ENOX1: variants seen among roughly 807,000 people sequenced by gnomAD.
The protein encoded by ENOX1 is candidate growth-related and time keeping constitutive hydroquinone (NADH) oxidase.
Under a neutral mutation model 82.5 loss-of-function variants are expected in ENOX1, and 42 were observed. That is an observed-to-expected ratio of 0.51 (90% CI 0.40 to 0.66). ENOX1 has a LOEUF of 0.66. Ranked by LOEUF, ENOX1 falls within the 30% of genes least tolerant of loss-of-function variation. The pLI is 0.00. For synonymous variants in ENOX1, 271 were observed against 282.2 expected, an observed-to-expected ratio of 0.96 and a Z score of 0.40; for missense variants, 608 against 811.6, an observed-to-expected ratio of 0.75 and a Z score of 3.05.
In ENOX1 at chr13:43,726,753, T is replaced by TGTGTGTGA. The variant is rs60690794; in HGVS notation, c.-284-59210_-284-59209insTCACACAC. 2.1e-4 allele frequency among the ~76,000 whole-genome samples: 29 copies of TGTGTGTGA among 141,144 alleles called. No individual in the cohort carries two copies. The South Asian group carries it at 2.2e-3, about 11-fold the overall frequency. The allele number at this position is 141,144 out of a possible 152,430, so 92.6% of individuals were successfully genotyped here. ...GTGTGTGTGTGTGTGTGTGTGTGTGTGAGAGAGAGACAGGGTCTCACTGTG... is the reference window on the plus strand; with the variant it reads ...GTGTGTGTGTGTGTGTGTGTGTGTGTGTGTGTGAGAGAGAGAGACAGGGTCTCACTGTG... On this transcript the variant is annotated intron_variant, in intron 1 of 16. Transcript: ENST00000690772.
At chr13:43,321,232 C>T in intron 11 of ENOX1, 1 of 439,562 alleles carries the variant, frequency 2.3e-6, no homozygotes, top group Non-Finnish European at 4.6e-6. Flanking sequence ...TTCCCCACAC[C>T]CTGTAGCCAC....
intron 2 of ENOX1, among the ~76,000 whole-genome samples, chr13:43,532,269 T>A (rs891920972): frequency 1.3e-5 from 2 of 152,120 alleles, no homozygotes; most frequent in Non-Finnish European, 2.9e-5. Flanking sequence ...AATCTGTAAC[T>A]CTTAAACTAT....
chr13:43,577,020 C>T lies in ENOX1; in HGVS notation c.-219+90459G>A, dbSNP rs1386242210. ...ACTATGAACCACACATTGTGTAAGG[C>T]ACTGAAGATACAAGTATAATAAGAA... On this transcript the variant is annotated intron_variant, in intron 2 of 16. Coordinates refer to ENST00000690772, the MANE Select transcript of ENOX1 (RefSeq NM_001347969.2). Among the ~76,000 whole-genome samples, 3 of 152,134 alleles carry T rather than the reference C, an allele frequency of 2.0e-5. No homozygotes were observed. The East Asian group carries it at 5.8e-4, about 29-fold the overall frequency.
intron 9 of ENOX1, among the ~76,000 whole-genome samples, chr13:43,330,960 G>A (rs572394556): frequency 2.1e-4 from 32 of 152,242 alleles, no homozygotes; most frequent in Admixed American, 6.5e-4. Context: ...TTGGACATTT[G>A]CTGAGTTTAG....
intron 15 of ENOX1, among the ~76,000 whole-genome samples, chr13:43,234,506 CT>C (rs1566297885): frequency 1.3e-5 from 2 of 152,170 alleles, no homozygotes; most frequent in Non-Finnish European, 2.9e-5. Flanking sequence ...GTGTCACCCC[CT>C]GTTTCTCTTT....
chr13:43,401,620 T>G (rs1367346142), intron 5 of ENOX1, among the ~76,000 whole-genome samples: 2 of 152,050 alleles, frequency 1.3e-5, no homozygotes, highest in African/African-American at 4.8e-5. Context: ...GCATGTTGAT[T>G]AGGAGAGACG....
At chr13:43,724,872 G>C (rs1338360659) in intron 1 of ENOX1, among the ~76,000 whole-genome samples, 2 of 152,084 alleles carry the variant, frequency 1.3e-5, no homozygotes, top group African/African-American at 4.8e-5. Flanking sequence ...TTTTATACTA[G>C]TGATTTGGTC....
rs189794600 is a variant in ENOX1 at position 43,620,307 on chromosome 13, T to C, written c.-219+47172A>G. 1.4e-3 allele frequency among the ~76,000 whole-genome samples: 219 copies of C among 152,260 alleles called. 1 individual carries two copies. Among genetic ancestry groups the C allele is most frequent in the African/African-American group, 5.0e-3 (206 of 41,552 alleles). On this transcript the variant is annotated intron_variant, in intron 2 of 16. Transcript: ENST00000690772. Reference sequence around the variant, plus strand: ...TGCTGGGTTTGAGCTTGGTTTGTTCTTGTTTCTCTAGTTCCTTAAAGTATG... The same window carrying C: ...TGCTGGGTTTGAGCTTGGTTTGTTCCTGTTTCTCTAGTTCCTTAAAGTATG...
chr13:43,589,890 A>G (rs1176974460), intron 2 of ENOX1, among the ~76,000 whole-genome samples: 1 of 118,042 alleles, frequency 8.5e-6, no homozygotes, highest in Non-Finnish European at 1.7e-5. Flanking sequence ...AGGCAAGTCT[A>G]TTCTGCAAAA....
chr13:43,445,393 G>C (rs2056596233), intron 3 of ENOX1, among the ~76,000 whole-genome samples: 1 of 152,052 alleles, frequency 6.6e-6, no homozygotes, highest in South Asian at 2.1e-4. Flanking sequence ...AAAGTGCTGG[G>C]ATTACAGGTG....
rs145733202 is a variant in ENOX1 at position 43,621,189 on chromosome 13, A to G, written c.-219+46290T>C. ...GCAGATGGTTGGTGAGTTCTTATCC[A>G]TTCTGTGGTTCTTTCAAGTGGAGCA... On this transcript the variant is annotated intron_variant, in intron 2 of 16. Transcript: ENST00000690772. 9.9e-4 allele frequency among the ~76,000 whole-genome samples: 151 copies of G among 152,246 alleles called. 3 individuals are homozygous for G. In the East Asian group the frequency reaches 0.027, roughly 27 times the overall value.
chr13:43,527,135 C>T (rs2078021553), intron 2 of ENOX1, among the ~76,000 whole-genome samples: 1 of 152,058 alleles, frequency 6.6e-6, no homozygotes, highest in African/African-American at 2.4e-5. Context: ...TACAGCAACA[C>T]TAATGAACTA....
chr13:43,478,534 A>G (rs1408993485), intron 3 of ENOX1, among the ~76,000 whole-genome samples: 1 of 152,176 alleles, frequency 6.6e-6, no homozygotes, highest in Admixed American at 6.5e-5. Flanking sequence ...ATAATTAAAT[A>G]ACACAACATA....
chr13:43,519,590 G>A (rs544157661), intron 2 of ENOX1, among the ~76,000 whole-genome samples: 83 of 152,220 alleles, frequency 5.5e-4, no homozygotes, highest in African/African-American at 1.8e-3. Context: ...ACCACAGCAC[G>A]TGGCAGAAAG....
Position 43,338,837 on chromosome 13 carries a change from C to T in ENOX1, c.1036+5701G>A, listed in dbSNP as rs182130897. On this transcript the variant is annotated intron_variant, in intron 9 of 16. Transcript: ENST00000690772. ...AGTATCTGGGACTACAGGCGCCCGC[C>T]ACTGCCCCCGGCTAATTTTTTGTAT... 1.4e-3 allele frequency among the ~76,000 whole-genome samples: 210 copies of T among 152,104 alleles called. 4 individuals are homozygous for T. In the East Asian group the frequency reaches 0.025, roughly 18 times the overall value.
At chr13:43,583,010 C>T (rs957624920) in intron 2 of ENOX1, among the ~76,000 whole-genome samples, 3 of 152,102 alleles carry the variant, frequency 2.0e-5, no homozygotes, top group African/African-American at 7.2e-5. Flanking sequence ...GACAGACACA[C>T]ACACACGCAC....
At chr13:43,517,520 G>C (rs1371422585) in intron 2 of ENOX1, among the ~76,000 whole-genome samples, 1 of 152,190 alleles carries the variant, frequency 6.6e-6, no homozygotes, top group East Asian at 1.9e-4. Flanking sequence ...CCTTAAGTTT[G>C]TAGGTCTCTA....
At chr13:43,516,406 G>A (rs1278334473) in intron 2 of ENOX1, among the ~76,000 whole-genome samples, 2 of 152,146 alleles carry the variant, frequency 1.3e-5, no homozygotes, top group Non-Finnish European at 2.9e-5. Flanking sequence ...GTACACGTTA[G>A]AGAAGGTTTG....
chr13:43,685,916 C>T (rs1440827229), intron 1 of ENOX1, among the ~76,000 whole-genome samples: 1 of 112,676 alleles, frequency 8.9e-6, no homozygotes, highest in Non-Finnish European at 2.0e-5. Flanking sequence ...ACACACACTA[C>T]ATGGTTGAAA....
Sources: allele counts gnomAD v4.1 joint callset (sites outside exome capture counted in the v4.1 genomes callset), GRCh38; gene constraint gnomAD v4.1.1; transcripts MANE v1.5; gene names NCBI Gene and HGNC (gene_info 2026-07-23, HGNC 2026-07-21).